The following TMEM132B variants were observed in gnomAD, a reference collection of about 807,000 sequenced individuals.
TMEM132B encodes transmembrane protein 132B.
Under a neutral mutation model 90.8 loss-of-function variants are expected in TMEM132B, and 18 were observed. That is an observed-to-expected ratio of 0.20 (90% confidence interval 0.14 to 0.29). The LOEUF is 0.29. TMEM132B is among the 10% of genes least tolerant of loss of function. The probability of loss-of-function intolerance (pLI) is 1.00; values close to 1 mark genes in which losing one functional copy is unlikely to be tolerated. For missense variants in TMEM132B, 1,096 were observed against 1,326.8 expected (o/e 0.83, Z 2.70); for synonymous variants, 504 against 523.3 (o/e 0.96, Z 0.50).
At chr12:125,451,012 G>T (rs1881135244) in intron 3 of TMEM132B, among the ~76,000 whole-genome samples, 1 of 152,018 alleles carries the variant, frequency 6.6e-6, no homozygotes, top group Non-Finnish European at 1.5e-5. Context: ...TGTGTATGTT[G>T]TACTCTTCAA....
At chr12:125,389,055 C>CACACACACAA (rs1339030734) in intron 2 of TMEM132B, among the ~76,000 whole-genome samples, 1 of 143,578 alleles carries the variant, frequency 7.0e-6, no homozygotes, top group African/African-American at 2.5e-5. Context: ...CACACACACA[C>CACACACACAA]AAACACACAA....
chr12:125,395,936 C>T (rs545938154), intron 2 of TMEM132B, among the ~76,000 whole-genome samples: 69 of 152,342 alleles, frequency 4.5e-4, no homozygotes, highest in African/African-American at 1.6e-3. Context: ...TCCTGAGTCA[C>T]ATGTCTACTT....
Position 125,406,308 on chromosome 12 carries a change from A to G in TMEM132B, c.960-9223A>G, listed in dbSNP as rs972409084. Among the ~76,000 whole-genome samples, 3 of 152,240 alleles carry G rather than the reference A, an allele frequency of 2.0e-5. No individual in the cohort carries two copies. Among genetic ancestry groups the G allele is most frequent in the African/African-American group, 7.2e-5 (3 of 41,478 alleles). ...TCCTCATGTGGAAAATGGAAGCAGA[A>G]GCGATACTACCCCTGCGGGGTTGCA... is the stretch of plus-strand genomic sequence containing the variant. On this transcript the variant is annotated intron_variant, in intron 2 of 8. Transcript: ENST00000682704. This position sits in a 1 kb window ranked among gnomAD's most constrained non-coding sequence, Gnocchi z 8.3.
Position 125,349,462 on chromosome 12 carries a change from T to C in TMEM132B, c.78T>C (p.Ser26=). 6.2e-7 allele frequency: 1 copy of C among 1,608,580 alleles called. No homozygotes were observed. Among genetic ancestry groups the C allele is most frequent in the East Asian group, 2.2e-5 (1 of 44,818 alleles). Residue 26 remains serine, a synonymous_variant, in exon 2 of 9, where the codon AGT becomes AGC. Transcript: ENST00000682704. The surrounding 1 kb of genome is among the most constrained non-coding windows in gnomAD (Gnocchi z 4.1). The part of the protein sequence containing the change: ...LTALQCPVTE[S]RGIVDSLQKF... ...TCCTTTCTTGTGCAGTGACAGAGAG[T>C]CGAGGGATTGTGGATAGCCTGCAGA... is the stretch of plus-strand genomic sequence containing the variant.
At chr12:125,547,342 C>T (rs1413054455) in intron 4 of TMEM132B, among the ~76,000 whole-genome samples, 2 of 101,402 alleles carry the variant, frequency 2.0e-5, no homozygotes, top group Non-Finnish European at 3.8e-5. Context: ...TTTTTTGTGG[C>T]TGCATAAAAG....
chr12:125,277,402 C>T lies in TMEM132B; in HGVS notation c.68-72050C>T, dbSNP rs551461540. On this transcript the variant is annotated intron_variant, in intron 1 of 8. Transcript: ENST00000682704. The surrounding 1 kb of genome is among the most constrained non-coding windows in gnomAD (Gnocchi z 4.3). ...GCTGAGGCTGGAGAATCGCTTGAAC[C>T]TGGGAGGCGGAGGTTGCAGTGAGCC... 1.3e-5 allele frequency among the ~76,000 whole-genome samples: 2 copies of T among 151,922 alleles called. No individual in the cohort carries two copies. The highest frequency in any genetic ancestry group is 3.9e-4 in the East Asian group (2 of 5,172).
At chr12:125,389,613 T>C (rs746144724) in intron 2 of TMEM132B, among the ~76,000 whole-genome samples, 7 of 152,144 alleles carry the variant, frequency 4.6e-5, no homozygotes, top group Non-Finnish European at 7.3e-5. Flanking sequence ...AGAGAGATAC[T>C]ATAGAGCCTA....
chr12:125,578,278 G>T (rs983725770), intron 4 of TMEM132B, among the ~76,000 whole-genome samples: 6 of 151,988 alleles, frequency 3.9e-5, no homozygotes, highest in African/African-American at 9.7e-5. Context: ...GTATTTTGGG[G>T]ATTTGTTGTT....
intron 6 of TMEM132B, among the ~76,000 whole-genome samples, chr12:125,644,508 G>A (rs1286024831): frequency 6.6e-6 from 1 of 152,206 alleles, no homozygotes; most frequent in Non-Finnish European, 1.5e-5. Context: ...CAACCTCATA[G>A]AATAGTTGCT....
intron 2 of TMEM132B, among the ~76,000 whole-genome samples, chr12:125,378,013 G>C (rs1287077350): frequency 2.6e-5 from 4 of 152,156 alleles, no homozygotes; most frequent in Non-Finnish European, 5.9e-5. Context: ...GACAAGGGGA[G>C]GTGTCACTTG....
In TMEM132B at chr12:125,619,487, C is replaced by T. The variant is rs1886070398; in HGVS notation, c.1438-24589C>T. On this transcript the variant is annotated intron_variant, in intron 5 of 8. Coordinates refer to ENST00000682704, the MANE Select transcript of TMEM132B (RefSeq NM_001366854.1). ...TCAAGCAATTCTTTTGCCTCAGTCT[C>T]CCAAGTAACAGGGATTACAGGTGTG... Among the ~76,000 whole-genome samples, 3 of 152,106 alleles carry T rather than the reference C, an allele frequency of 2.0e-5. No homozygotes were observed. The South Asian group carries it at 6.2e-4, about 32-fold the overall frequency.
chr12:125,549,018 C>T (rs868684414), intron 4 of TMEM132B, among the ~76,000 whole-genome samples: 1 of 152,260 alleles, frequency 6.6e-6, no homozygotes, highest in Admixed American at 6.5e-5. Context: ...ATACTTAGTC[C>T]TATTTACTAT....
At position 125,322,227 on chromosome 12, in the gene TMEM132B, G is replaced by A. The variant is rs954536237; in HGVS notation, c.68-27225G>A. On this transcript the variant is annotated intron_variant, in intron 1 of 8. Transcript: ENST00000682704. ...ACAGTGAATAAATCTCACAAGATCT[G>A]ATGGTTTTATAAAGGGCAGTTCCCC... is the stretch of plus-strand genomic sequence containing the variant. Among the ~76,000 whole-genome samples the A allele has an allele frequency of 2.6e-5, 4 of 152,150 alleles. No individual in the cohort carries two copies. The South Asian group carries it at 6.2e-4, about 24-fold the overall frequency.
chr12:125,630,065 A>T (rs987415404), intron 5 of TMEM132B, among the ~76,000 whole-genome samples: 2 of 151,974 alleles, frequency 1.3e-5, no homozygotes, highest in Non-Finnish European at 2.9e-5. Context: ...GGATTTTTGG[A>T]TTAGTATGCA....
At chr12:125,338,340 G>A (rs2136216408) in intron 1 of TMEM132B, among the ~76,000 whole-genome samples, 1 of 152,256 alleles carries the variant, frequency 6.6e-6, no homozygotes, top group Middle Eastern at 3.4e-3. Context: ...TGTTCCTCCT[G>A]GTTGCACAGT....
At chr12:125,501,622 A>G (rs1430140819) in intron 3 of TMEM132B, among the ~76,000 whole-genome samples, 2 of 152,104 alleles carry the variant, frequency 1.3e-5, no homozygotes, top group African/African-American at 4.8e-5. Flanking sequence ...AAGTGAGAAC[A>G]GGACATCTCA....
intron 1 of TMEM132B, among the ~76,000 whole-genome samples, chr12:125,200,109 C>A (rs1873021021): frequency 6.6e-6 from 1 of 152,218 alleles, no homozygotes; most frequent in Non-Finnish European, 1.5e-5. Context: ...GTGTTACAAC[C>A]ACACTTGTCT....
intron 2 of TMEM132B, among the ~76,000 whole-genome samples, chr12:125,388,037 A>G (rs558884371): frequency 3.9e-4 from 60 of 152,276 alleles, no homozygotes; most frequent in African/African-American, 1.3e-3. Flanking sequence ...GGCACAGATG[A>G]TAATTATACA....
At chr12:125,442,616 G>GC (rs1289941158) in intron 3 of TMEM132B, among the ~76,000 whole-genome samples, 1 of 152,160 alleles carries the variant, frequency 6.6e-6, no homozygotes, top group Non-Finnish European at 1.5e-5. Flanking sequence ...AACAGAACAA[G>GC]CCCTTATTAA....
Sources: allele counts gnomAD v4.1 joint callset (sites outside exome capture counted in the v4.1 genomes callset), GRCh38; gene constraint gnomAD v4.1.1; non-coding constraint Gnocchi (gnomAD v3.1); transcripts MANE v1.5; gene names NCBI Gene and HGNC (gene_info 2026-07-23, HGNC 2026-07-21).